Variants in UMAD1 observed in about 807,000 individuals in gnomAD.
The protein encoded by UMAD1 is UBAP1-MVB12-associated (UMA)-domain containing protein 1.
Under a neutral mutation model 6.1 loss-of-function variants are expected in UMAD1, and 8 were observed. The observed-to-expected ratio is 1.30, with a 90% CI of 0.76 to 2.35. The LOEUF is 2.35. Among genes scored for constraint, UMAD1 ranks in the 30% most tolerant of loss-of-function variants. The pLI, the probability that UMAD1 is intolerant of heterozygous loss-of-function variation, is 0.00. For missense variants in UMAD1, 130 were observed against 78.4 expected, an observed-to-expected ratio of 1.66 and a Z score of -2.49; for synonymous variants, 56 against 31.4, an observed-to-expected ratio of 1.78 and a Z score of -2.61.
rs1229148579 is a variant in UMAD1 at position 7,709,826 on chromosome 7, A to G, written c.82+36373A>G. On this transcript the variant is annotated intron_variant, in intron 2 of 3. Transcript: ENST00000682710. ...AGAACATATTCAGAATGACAATGTG[A>G]TGAACACCTGTGTACCCACCAATTG... 6.6e-5 allele frequency among the ~76,000 whole-genome samples: 10 copies of G among 152,234 alleles called. 1 individual carries two copies. Among genetic ancestry groups the G allele is most frequent in the African/African-American group, 2.4e-4 (10 of 41,544 alleles).
At chr7:7,778,267 TGTGTGTGTGAGAGA>T (rs1349744099) in intron 2 of UMAD1, among the ~76,000 whole-genome samples, 228 of 107,832 alleles carry the variant, frequency 2.1e-3, no homozygotes, top group African/African-American at 7.3e-3. Flanking sequence ...TGTGTGTGTG[TGTGTGTGTGAGAGA>T]GAGAGAGAGA....
chr7:7,718,243 T>C (rs1780966309), intron 2 of UMAD1, among the ~76,000 whole-genome samples: 1 of 152,218 alleles, frequency 6.6e-6, no homozygotes, highest in South Asian at 2.1e-4. Context: ...CAAGGGTATT[T>C]TGAAATATAC....
intron 2 of UMAD1, among the ~76,000 whole-genome samples, chr7:7,683,866 G>A (rs920676561): frequency 6.6e-6 from 1 of 151,958 alleles, no homozygotes; most frequent in Non-Finnish European, 1.5e-5. Flanking sequence ...CAGGTGATCC[G>A]CCTGCCTTGG....
intron 2 of UMAD1, among the ~76,000 whole-genome samples, chr7:7,721,401 T>C (rs892383119): frequency 5.9e-5 from 9 of 152,314 alleles, no homozygotes; most frequent in Middle Eastern, 3.4e-3. Context: ...AATTCTACTT[T>C]AAATGTTAAG....
At chr7:7,754,998 G>T (rs113226054) in intron 2 of UMAD1, among the ~76,000 whole-genome samples, 1 of 152,154 alleles carries the variant, frequency 6.6e-6, no homozygotes, top group African/African-American at 2.4e-5. Context: ...AGCTGCTGGG[G>T]TGATTCTTTT....
chr7:7,817,770 T>C (rs28568990), intron 3 of UMAD1, among the ~76,000 whole-genome samples: 16,856 of 152,192 alleles, frequency 0.11, 1,459 homozygotes, highest in African/African-American at 0.24. Context: ...TAAAGACACA[T>C]TTTCAATGGT....
chr7:7,789,617 T>TCCCCC (rs201727587), intron 2 of UMAD1, among the ~76,000 whole-genome samples: 7 of 101,116 alleles, frequency 6.9e-5, no homozygotes, highest in African/African-American at 2.6e-4. Context: ...AAATACCCCT[T>TCCCCC]CTCCCCTCCC....
chr7:7,713,413 A>T (rs565129615), intron 2 of UMAD1, among the ~76,000 whole-genome samples: 15 of 149,056 alleles, frequency 1.0e-4, no homozygotes, highest in East Asian at 3.9e-4. Flanking sequence ...TTTTTTTTTT[A>T]AATGATATCT....
chr7:7,849,152 G>A (rs980999730), intron 3 of UMAD1, among the ~76,000 whole-genome samples: 1 of 152,110 alleles, frequency 6.6e-6, no homozygotes, highest in African/African-American at 2.4e-5. Context: ...ATTCTGTATT[G>A]AGGATCTTTG....
At chr7:7,852,755 G>A (rs529519063) in intron 3 of UMAD1, among the ~76,000 whole-genome samples, 140 of 152,226 alleles carry the variant, frequency 9.2e-4, no homozygotes, top group Non-Finnish European at 1.2e-3. Context: ...CTCTGTAGAA[G>A]CCCCCCGAAC....
chr7:7,817,131 C>T (rs1461487030), intron 3 of UMAD1, among the ~76,000 whole-genome samples: 1 of 152,322 alleles, frequency 6.6e-6, no homozygotes, highest in Admixed American at 6.5e-5. Flanking sequence ...TGTCACTTCT[C>T]TGAAGAACTT....
Position 7,654,124 on chromosome 7 carries a change from G to A in UMAD1, c.-64+13303G>A, listed in dbSNP as rs1785288100. Among the ~76,000 whole-genome samples, 3 of 152,150 alleles carry A rather than the reference G, an allele frequency of 2.0e-5. No individual in the cohort carries two copies. In the South Asian group the frequency reaches 6.2e-4, roughly 32 times the overall value. On this transcript the variant is annotated intron_variant, in intron 1 of 3. Coordinates refer to ENST00000682710, the MANE Select transcript of UMAD1 (RefSeq NM_001302348.2). Reference sequence around the variant, plus strand: ...CCCTTCTTGATTCTGAAAACCATAGGACCATAGGGCATTCAATTAAAAAGA... The same window carrying A: ...CCCTTCTTGATTCTGAAAACCATAGAACCATAGGGCATTCAATTAAAAAGA...
intron 1 of UMAD1, among the ~76,000 whole-genome samples, chr7:7,669,468 A>G (rs1779551512): frequency 6.6e-6 from 1 of 152,194 alleles, no homozygotes; most frequent in Non-Finnish European, 1.5e-5. Flanking sequence ...TTTGAGTGAT[A>G]TGAAAAGAAT....
At chr7:7,677,893 T>C (rs1450184496) in intron 2 of UMAD1, among the ~76,000 whole-genome samples, 1 of 151,576 alleles carries the variant, frequency 6.6e-6, no homozygotes, top group African/African-American at 2.4e-5. Context: ...CGGGATGGTC[T>C]CGATCTCCTG....
intron 3 of UMAD1, among the ~76,000 whole-genome samples, chr7:7,860,807 T>G (rs1784103501): frequency 1.3e-5 from 2 of 149,046 alleles, no homozygotes; most frequent in South Asian, 2.1e-4. Flanking sequence ...AAAATAATAA[T>G]AATAATAATT....
At chr7:7,805,141 C>T (rs1782887150) in intron 3 of UMAD1, among the ~76,000 whole-genome samples, 1 of 152,114 alleles carries the variant, frequency 6.6e-6, no homozygotes, top group Non-Finnish European at 1.5e-5. Flanking sequence ...AAATATGTCT[C>T]TACCTAGACC....
intron 2 of UMAD1, among the ~76,000 whole-genome samples, chr7:7,775,001 CTTTT>C (rs1182869358): frequency 6.6e-6 from 1 of 152,120 alleles, no homozygotes; most frequent in African/African-American, 2.4e-5. Flanking sequence ...TTCTCTTGTT[CTTTT>C]AATCTCCTCT....
chr7:7,666,288 C>T (rs746290931), intron 1 of UMAD1, among the ~76,000 whole-genome samples: 11 of 152,048 alleles, frequency 7.2e-5, no homozygotes, highest in South Asian at 2.1e-4. Context: ...ATTGCATGCT[C>T]GACATCCTGG....
intron 2 of UMAD1, among the ~76,000 whole-genome samples, chr7:7,745,578 C>T (rs1781556301): frequency 6.6e-6 from 1 of 152,158 alleles, no homozygotes; most frequent in Non-Finnish European, 1.5e-5. Context: ...GGAAGCCATT[C>T]TCAGTAAGCT....
Sources: gnomAD v4.1 joint callset for allele counts (sites outside exome capture counted in the v4.1 genomes callset) on GRCh38, gnomAD v4.1.1 for gene constraint, MANE v1.5 for transcripts, NCBI Gene and HGNC (gene_info 2026-07-23, HGNC 2026-07-21) for gene names.